Variants in ATG7 observed in about 807,000 individuals in gnomAD.
ATG7 encodes the protein ubiquitin-like modifier-activating enzyme ATG7.
ATG7 carries 70 observed loss-of-function variants against 82.4 expected under a neutral mutation model. That is an observed-to-expected ratio of 0.85 (90% confidence interval 0.70 to 1.04). The LOEUF (loss-of-function observed/expected upper bound fraction) is 1.04, where lower values mean the gene tolerates loss of function less well. Among genes scored for constraint, ATG7 ranks in the 50% least tolerant of loss-of-function variants. The pLI, the probability that ATG7 is intolerant of heterozygous loss-of-function variation, is 0.00. For missense variants in ATG7, 792 were observed against 864.3 expected, an observed-to-expected ratio of 0.92 and a Z score of 1.05; for synonymous variants, 287 against 313.0, an observed-to-expected ratio of 0.92 and a Z score of 0.88.
chr3:11,437,121 G>C (rs549531726), intron 20 of ATG7, among the ~76,000 whole-genome samples: 14 of 152,310 alleles, frequency 9.2e-5, no homozygotes, highest in Middle Eastern at 3.4e-3. Context: ...GGGGCATTTT[G>C]TTTCTCCTTC....
At chr3:11,284,614 C>T (rs1274935488) in intron 3 of ATG7, among the ~76,000 whole-genome samples, 1 of 151,932 alleles carries the variant, frequency 6.6e-6, no homozygotes, top group Non-Finnish European at 1.5e-5. Flanking sequence ...TACAGTGGTG[C>T]AGTCATGGCT....
intron 20 of ATG7, among the ~76,000 whole-genome samples, chr3:11,546,346 A>C (rs2125045315): frequency 6.6e-6 from 1 of 151,798 alleles, no homozygotes; most frequent in African/African-American, 2.4e-5. Flanking sequence ...TAAGTTTTGT[A>C]TTTTTAGTAG....
intron 20 of ATG7, among the ~76,000 whole-genome samples, chr3:11,496,589 A>G (rs2443712): frequency 0.76 from 114,874 of 152,068 alleles, 43,839 homozygotes; most frequent in East Asian, 0.98. Flanking sequence ...GCCAAGGGCC[A>G]TTTAAAGAAA....
intron 18 of ATG7, among the ~76,000 whole-genome samples, chr3:11,368,568 A>G (rs1342945640): frequency 6.6e-6 from 1 of 151,834 alleles, no homozygotes; most frequent in Non-Finnish European, 1.5e-5. Context: ...GAGGTGGGAG[A>G]ATTGCTTGAG....
chr3:11,406,285 C>G (rs2080330048), intron 19 of ATG7, among the ~76,000 whole-genome samples: 1 of 152,098 alleles, frequency 6.6e-6, no homozygotes, highest in Non-Finnish European at 1.5e-5. Context: ...CCACCATACC[C>G]AGCCCATATG....
At chr3:11,558,553 C>T, downstream of ATG7, 2 of 1,600,258 alleles carry the variant, frequency 1.2e-6, no homozygotes, top group South Asian at 2.2e-5. Context: ...GGAGGCGCTC[C>T]CTTCAGGAGA....
At chr3:11,534,610 G>A (rs1313674434) in intron 20 of ATG7, among the ~76,000 whole-genome samples, 9 of 152,252 alleles carry the variant, frequency 5.9e-5, no homozygotes, top group African/African-American at 1.7e-4. Context: ...TTTCGTAGTC[G>A]CTGTGCTAAG....
At chr3:11,369,091 T>A (rs1037045315) in intron 18 of ATG7, among the ~76,000 whole-genome samples, 4 of 150,788 alleles carry the variant, frequency 2.7e-5, no homozygotes, top group Non-Finnish European at 5.9e-5. Flanking sequence ...TCTAGCCATA[T>A]CTCGGGATAT....
At chr3:11,527,325 C>T (rs1309357787) in intron 20 of ATG7, among the ~76,000 whole-genome samples, 1 of 152,034 alleles carries the variant, frequency 6.6e-6, no homozygotes, top group Non-Finnish European at 1.5e-5. Flanking sequence ...GGTTGAACTC[C>T]TGACCTCAGG....
At chr3:11,454,965 T>G (rs552840979) in intron 20 of ATG7, among the ~76,000 whole-genome samples, 7 of 152,272 alleles carry the variant, frequency 4.6e-5, no homozygotes, top group Admixed American at 4.6e-4. Flanking sequence ...TAAAATATTA[T>G]CAAAACTAGA....
intron 20 of ATG7, among the ~76,000 whole-genome samples, chr3:11,528,340 A>G (rs1348758259): frequency 1.3e-5 from 2 of 152,170 alleles, no homozygotes; most frequent in Non-Finnish European, 2.9e-5. Context: ...AACATAAGAT[A>G]GCTATCTTAC....
the ATG7 span, among the ~76,000 whole-genome samples, chr3:11,575,049 C>A: frequency 6.6e-6 from 1 of 152,150 alleles, no homozygotes; most frequent in African/African-American, 2.4e-5. Flanking sequence ...CTCTCTTCTT[C>A]AACGCTCGTG....
chr3:11,454,868 CATT>C (rs2085545372), intron 20 of ATG7, among the ~76,000 whole-genome samples: 1 of 152,174 alleles, frequency 6.6e-6, no homozygotes, highest in Non-Finnish European at 1.5e-5. Flanking sequence ...ACACTTCCAT[CATT>C]ACAGAAAGGT....
rs1473752216 is a variant in ATG7 at position 11,355,130 on chromosome 3, C to T, written c.1285-3288C>T. Reference sequence around the variant, plus strand: ...TAGCGAGCTGTGTGTACTCACAGCACGACTCTCGTCAGACCAGGCAAAAAC... The same window carrying T: ...TAGCGAGCTGTGTGTACTCACAGCATGACTCTCGTCAGACCAGGCAAAAAC... On this transcript the variant is annotated intron_variant, in intron 14 of 20. Transcript: ENST00000693202. 3.9e-5 allele frequency among the ~76,000 whole-genome samples: 6 copies of T among 152,136 alleles called. 1 individual carries two copies. Among genetic ancestry groups the T allele is most frequent in the Admixed American group, 2.0e-4 (3 of 15,278 alleles).
Position 11,411,618 on chromosome 3 carries a change from C to CAAAAAAA in ATG7, c.1957-15186_1957-15185insAAAAAAA, listed in dbSNP as rs2080902742. ...CTGGTGACACAGCAAGACTCTGTCT[C>CAAAAAAA]CAAAAAAAAAAAAAAAAAAAAAAAA... On this transcript the variant is annotated intron_variant, in intron 19 of 20. Coordinates refer to ENST00000693202, the MANE Select transcript of ATG7 (RefSeq NM_001349232.2). 3.6e-4 allele frequency among the ~76,000 whole-genome samples: 5 copies of CAAAAAAA among 13,970 alleles called. 1 individual carries two copies. The highest frequency in any genetic ancestry group is 9.6e-3 in the South Asian group (2 of 208). The allele number at this position is 13,970 out of a possible 152,430, so 9.2% of individuals were successfully genotyped here. A position where few individuals can be genotyped will look rare whatever the true frequency, so the allele number is the denominator to read the frequency against.
intron 9 of ATG7, among the ~76,000 whole-genome samples, chr3:11,321,167 A>G (rs1017918454): frequency 6.6e-6 from 1 of 152,246 alleles, no homozygotes; most frequent in Non-Finnish European, 1.5e-5. Context: ...AGAGACGCAC[A>G]GAGTGCTGAC....
the ATG7 span, among the ~76,000 whole-genome samples, chr3:11,563,323 G>A: frequency 4.7e-4 from 71 of 152,230 alleles, no homozygotes; most frequent in Non-Finnish European, 9.3e-4. Flanking sequence ...GCACGGTTCA[G>A]GCCATGGCTC....
intron 20 of ATG7, among the ~76,000 whole-genome samples, chr3:11,496,626 T>G (rs2090853167): frequency 6.6e-6 from 1 of 152,212 alleles, no homozygotes; most frequent in South Asian, 2.1e-4. Context: ...TGACTCTTCA[T>G]GAAACCTTGA....
chr3:11,377,386 TCA>T (rs776516961), intron 18 of ATG7, among the ~76,000 whole-genome samples: 10 of 152,190 alleles, frequency 6.6e-5, no homozygotes, highest in Non-Finnish European at 1.3e-4. Context: ...GTGTGGACCC[TCA>T]TTCAACCAAT....
Sources: gnomAD v4.1 joint callset for allele counts (sites outside exome capture counted in the v4.1 genomes callset) on GRCh38, gnomAD v4.1.1 for gene constraint, MANE v1.5 for transcripts, NCBI Gene and HGNC (gene_info 2026-07-23, HGNC 2026-07-21) for gene names.